MACF1: variants seen among roughly 807,000 people sequenced by gnomAD.
MACF1 encodes microtubule actin crosslinking factor 1.
Under a neutral mutation model 854.8 loss-of-function variants are expected in MACF1, and 193 were observed. The observed-to-expected ratio is 0.23, with a 90% CI of 0.20 to 0.25. The LOEUF (loss-of-function observed/expected upper bound fraction) is 0.25. Ranked by LOEUF, MACF1 falls within the 10% of genes least tolerant of loss-of-function variation. The pLI is 1.00. For missense variants in MACF1, 7,722 were observed against 8,929.1 expected, an observed-to-expected ratio of 0.86 and a Z score of 5.45; for synonymous variants, 3,185 against 3,226.7, an observed-to-expected ratio of 0.99 and a Z score of 0.44.
In MACF1 at chr1:39,333,738, G is replaced by A; in HGVS notation, c.7150G>A (p.Val2384Ile). The A allele has an allele frequency of 1.9e-6, 3 of 1,614,164 alleles. No individual in the cohort carries two copies. The highest frequency in any genetic ancestry group is 2.5e-6 in the Non-Finnish European group (3 of 1,180,026). The change falls in exon 37 of 101, where the codon GTA (valine) becomes ATA (isoleucine). Residue 2384 changes from valine to isoleucine, a missense_variant. Coordinates refer to ENST00000564288, the MANE Select transcript of MACF1 (RefSeq NM_001394062.1). Reference protein sequence around the residue: ...LDPRTQTLCSVKDAVTVGLLD... With the variant: ...LDPRTQTLCSIKDAVTVGLLD... ...CCCCCGTACCCAGACACTGTGCTCT[G>A]TAAAGGATGCAGTTACAGTTGGACT...
At chr1:39,287,211 G>C in intron 14 of MACF1, 75 bp from the exon 15 acceptor site, 1 of 1,443,106 alleles carries the variant, frequency 6.9e-7, no homozygotes, top group Non-Finnish European at 9.4e-7. Flanking sequence ...TTGTCAAATG[G>C]ATAAGGAAGA....
intron 1 of MACF1, among the ~76,000 whole-genome samples, chr1:39,206,115 G>A (rs551855249): frequency 2.6e-5 from 4 of 152,266 alleles, no homozygotes; most frequent in East Asian, 1.9e-4. Context: ...GTTCACAAAC[G>A]CCTGACAGAA....
At chr1:39,285,472 A>G (rs1645624448) in intron 13 of MACF1, 82 bp downstream of exon 13, 6 of 1,554,328 alleles carry the variant, frequency 3.9e-6, no homozygotes, top group African/African-American at 1.4e-5. Context: ...TGAAGTTAGC[A>G]ATCGAGGAAT....
intron 2 of MACF1, among the ~76,000 whole-genome samples, chr1:39,124,164 G>A (rs1642803262): frequency 6.6e-6 from 1 of 151,916 alleles, no homozygotes; most frequent in Non-Finnish European, 1.5e-5. Flanking sequence ...AGGATTACAG[G>A]CATGAGCCAC....
In MACF1 at chr1:39,301,891, G is replaced by A. The variant is rs543854959; in HGVS notation, c.2635-1033G>A. Among the ~76,000 whole-genome samples, 9 of 152,168 alleles carry A rather than the reference G, an allele frequency of 5.9e-5. No individual in the cohort carries two copies. The East Asian group carries it at 1.7e-3, about 29-fold the overall frequency. On this transcript the variant is annotated intron_variant, in intron 22 of 100. Transcript: ENST00000564288. ...ACTGGGTCATATCCTTTATTGCCTG[G>A]TAAATTGCATTTGTCACACAGTATT...
rs17561913 is a variant in MACF1, at chr1:39,191,453, A to G, written c.221-39729A>G. On this transcript the variant is annotated intron_variant, in intron 2 of 93. Coordinates refer to the MACF1 transcript ENST00000361689. The stretch of plus-strand genomic sequence containing the variant: ...ACTCCAGGAACATCTATTGGGAGAA[A>G]GTTTAACTACAACTGTTGTCCATTT... Among the ~76,000 whole-genome samples, 832 of 152,330 alleles carry G rather than the reference A, an allele frequency of 5.5e-3. 5 individuals are homozygous for G. Among genetic ancestry groups the G allele is most frequent in the Non-Finnish European group, 8.5e-3 (577 of 68,034 alleles).
chr1:39,428,188 G>A lies in MACF1; in HGVS notation c.16704G>A (p.Glu5568=), dbSNP rs2148646625. 6.2e-7 allele frequency: 1 copy of A among 1,614,168 alleles called. No individual in the cohort carries two copies. The highest frequency in any genetic ancestry group is 1.7e-4 in the Middle Eastern group (1 of 6,058). ...NARLFGEDEV[E]VLNWLAEVED... is the part of the protein sequence containing the mutation. ...GGCTGTTTGGGGAGGATGAGGTGGA[G>A]GTGCTCAACTGGCTGGCTGAGGTTG... The change falls in exon 63 of 101, where the codon GAG becomes GAA. Residue 5568 remains glutamate, a synonymous_variant. Transcript: ENST00000564288.
At chr1:39,291,779 T>C in intron 15 of MACF1, 131 bp from the exon 16 acceptor site, 1 of 815,022 alleles carries the variant, frequency 1.2e-6, no homozygotes, top group South Asian at 2.0e-5. Flanking sequence ...GGCTGTAGAT[T>C]GAAGGAGATG....
chr1:39,436,574 A>C, intron 70 of MACF1: 1 of 1,275,510 alleles, frequency 7.8e-7, no homozygotes, highest in Non-Finnish European at 1.1e-6. Flanking sequence ...ATTTCCCTTA[A>C]CTTTAGTGGA....
intron 2 of MACF1, among the ~76,000 whole-genome samples, chr1:39,099,164 C>CT (rs1287358715): frequency 6.6e-6 from 1 of 152,002 alleles, no homozygotes; most frequent in Non-Finnish European, 1.5e-5. Flanking sequence ...CAAAGAATTT[C>CT]TTTTTTTTGA....
At chr1:39,187,848 T>TTCTCTCTC in intron 2 of MACF1, among the ~76,000 whole-genome samples, 1 of 40,340 alleles carries the variant, frequency 2.5e-5, no homozygotes, top group East Asian at 1.2e-3. Flanking sequence ...GAGGCTGTCT[T>TTCTCTCTC]TCTCTCTCTC....
At chr1:39,217,999 C>A (rs1557524084) in intron 1 of MACF1, among the ~76,000 whole-genome samples, 1 of 151,392 alleles carries the variant, frequency 6.6e-6, no homozygotes, top group Non-Finnish European at 1.5e-5. Context: ...CTGGCTGACA[C>A]GGTGAAACCC....
At chr1:39,415,891 G>A (rs1289875345) in intron 58 of MACF1, among the ~76,000 whole-genome samples, 1 of 152,100 alleles carries the variant, frequency 6.6e-6, no homozygotes, top group Non-Finnish European at 1.5e-5. Flanking sequence ...GCGCCCCTAG[G>A]ACTCAAAATA....
intron 97 of MACF1, among the ~76,000 whole-genome samples, chr1:39,478,217 G>T (rs1026813229): frequency 2.6e-5 from 4 of 152,046 alleles, no homozygotes; most frequent in Non-Finnish European, 1.5e-5. Flanking sequence ...TGGCCAAGCT[G>T]GTCTTGAACT....
intron 15 of MACF1, among the ~76,000 whole-genome samples, chr1:39,291,491 C>A (rs890964503): frequency 6.6e-6 from 1 of 152,070 alleles, no homozygotes; most frequent in African/African-American, 2.4e-5. Context: ...AATTATCTTC[C>A]ATTGGCCAGT....
At chr1:39,388,872 C>CTTTTTTTTTTTTTTTTTTTTTTTTTT (rs548104092) in intron 58 of MACF1, among the ~76,000 whole-genome samples, 2 of 87,242 alleles carry the variant, frequency 2.3e-5, no homozygotes, top group African/African-American at 1.0e-4. Context: ...TCTTCTTCTT[C>CTTTTTTTTTTTTTTTTTTTTTTTTTT]TTTTTTTTTT....
intron 1 of MACF1, among the ~76,000 whole-genome samples, chr1:39,220,322 A>G (rs1644635177): frequency 6.6e-6 from 1 of 150,414 alleles, no homozygotes; most frequent in South Asian, 2.1e-4. Context: ...ACAGGAGCGC[A>G]CCACCTTGCC....
At chr1:39,310,721 G>A in intron 25 of MACF1, 110 bp from the exon 26 acceptor site, 1 of 1,106,862 alleles carries the variant, frequency 9.0e-7, no homozygotes, top group Non-Finnish European at 1.3e-6. Flanking sequence ...GGATCAGGTA[G>A]GATTAGGCAG....
At chr1:39,194,084 C>T (rs530135043) in intron 2 of MACF1, among the ~76,000 whole-genome samples, 3 of 152,138 alleles carry the variant, frequency 2.0e-5, no homozygotes, top group South Asian at 2.1e-4. Flanking sequence ...CCAACCACCT[C>T]GTCCTCCCAA....
Sources: allele counts gnomAD v4.1 joint callset (sites outside exome capture counted in the v4.1 genomes callset), GRCh38; gene constraint gnomAD v4.1.1; transcripts MANE v1.5; gene names NCBI Gene and HGNC (gene_info 2026-07-23, HGNC 2026-07-21).